KIF11: variants seen among roughly 807,000 people sequenced by gnomAD.
KIF11 encodes kinesin-like protein KIF11.
In KIF11, 9 loss-of-function variants were observed where a neutral mutation model predicts 121.0. The observed-to-expected ratio is 0.07, with a 90% confidence interval of 0.04 to 0.13. The LOEUF is 0.13. Among genes scored for constraint, KIF11 ranks in the 10% least tolerant of loss-of-function variants. KIF11 has a pLI of 1.00. For synonymous variants in KIF11, 408 were observed against 421.0 expected (o/e 0.97, Z 0.38); for missense variants, 846 against 1,217.5 (o/e 0.69, Z 4.54).
chr10:92,640,356 A>G (rs1844851550), intron 17 of KIF11, among the ~76,000 whole-genome samples: 1 of 152,242 alleles, frequency 6.6e-6, no homozygotes, highest in South Asian at 2.1e-4. Context: ...AGGTCATTGA[A>G]CAATAGCCTA....
intron 9 of KIF11, among the ~76,000 whole-genome samples, chr10:92,619,977 T>C (rs756392620): frequency 5.9e-5 from 9 of 151,872 alleles, no homozygotes; most frequent in Non-Finnish European, 1.2e-4. Flanking sequence ...ATCTTGAGGC[T>C]TGATTAAATT....
At chr10:92,614,281 G>A (rs1844530204) in intron 8 of KIF11, among the ~76,000 whole-genome samples, 1 of 152,068 alleles carries the variant, frequency 6.6e-6, no homozygotes, top group South Asian at 2.1e-4. Context: ...ATTTTTAGTA[G>A]AGACGTGGTT....
chr10:92,642,887 T>C (rs565258126), intron 17 of KIF11, among the ~76,000 whole-genome samples: 9 of 152,340 alleles, frequency 5.9e-5, no homozygotes, highest in African/African-American at 1.4e-4. Flanking sequence ...TGCTTTTTCA[T>C]CAAATTTATA....
At chr10:92,627,153 C>G (rs1001335344) in intron 10 of KIF11, among the ~76,000 whole-genome samples, 4 of 152,134 alleles carry the variant, frequency 2.6e-5, no homozygotes, top group African/African-American at 4.8e-5. Flanking sequence ...CTAGCTTTTC[C>G]TTTAGTCAAC....
Position 92,624,660 on chromosome 10 carries a change from C to T in KIF11, c.1217+3187C>T, listed in dbSNP as rs1282556670. ...CACGTCTTTGCTGCTGTGAATAGTG[C>T]TATGATGAACATATGTGTGCATGTG... On this transcript the variant is annotated intron_variant, in intron 10 of 21. Transcript: ENST00000260731. Among the ~76,000 whole-genome samples the T allele has an allele frequency of 2.0e-5, 3 of 151,982 alleles. No homozygotes were observed. The East Asian group carries it at 5.8e-4, about 29-fold the overall frequency.
intron 9 of KIF11, among the ~76,000 whole-genome samples, chr10:92,619,889 T>C (rs1362512662): frequency 6.6e-6 from 1 of 151,534 alleles, no homozygotes; most frequent in Non-Finnish European, 1.5e-5. Context: ...TCTGTATATT[T>C]GTCCTGTAGA....
At position 92,648,343 on chromosome 10, in the gene KIF11, A is replaced by G; in HGVS notation, c.2679A>G (p.Ala893=). The change falls in exon 19 of 22, where the codon GCA becomes GCG. Residue 893 remains alanine, a synonymous_variant. Transcript: ENST00000260731. The part of the protein sequence containing the change: ...QMTIDEDKLI[A]QNLELNETIK... ...CTATTGATGAAGATAAATTGATAGC[A>G]CAAAATCTAGAACTTAATGAAACCA... The G allele has an allele frequency of 1.2e-6, 2 of 1,613,016 alleles. No individual in the cohort carries two copies. Among genetic ancestry groups the G allele is most frequent in the Non-Finnish European group, 1.7e-6 (2 of 1,179,154 alleles).
intron 1 of KIF11, among the ~76,000 whole-genome samples, chr10:92,603,252 T>G (rs1564703186): frequency 8.7e-6 from 1 of 115,024 alleles, no homozygotes. Flanking sequence ...TAAACTGCTT[T>G]CTTTTCTTTT....
rs539942869 is a variant in KIF11, at chr10:92,616,718, C to A, written c.1033-19C>A. 8 of 1,322,184 alleles carry A rather than the reference C, an allele frequency of 6.1e-6. No individual in the cohort carries two copies. The South Asian group carries it at 8.5e-5, about 14-fold the overall frequency. 81.9% of individuals were successfully genotyped at this position (1,322,184 alleles called of 1,614,324 possible). On this transcript the variant is annotated intron_variant, in intron 8 of 21. Transcript: ENST00000260731. Reference sequence around the variant, plus strand: ...TTCTCACAATATCTTCAGTAATTGACCTTTCCTTTCCATGACAGGAAACTC... The same window carrying A: ...TTCTCACAATATCTTCAGTAATTGAACTTTCCTTTCCATGACAGGAAACTC...
chr10:92,638,426 C>T (rs965083290), intron 16 of KIF11, among the ~76,000 whole-genome samples: 1 of 152,110 alleles, frequency 6.6e-6, no homozygotes, highest in Non-Finnish European at 1.5e-5. Context: ...CTTAAAACTG[C>T]AGCATTTTCT....
At chr10:92,597,714 C>T (rs1357064723) in intron 1 of KIF11, among the ~76,000 whole-genome samples, 4 of 151,986 alleles carry the variant, frequency 2.6e-5, no homozygotes, top group East Asian at 1.9e-4. Flanking sequence ...TGCATTGGTA[C>T]GATCTTGGCT....
chr10:92,632,734 T>C (rs749103820), intron 13 of KIF11, 41 bp downstream of exon 13: 74 of 1,266,522 alleles, frequency 5.8e-5, no homozygotes, highest in African/African-American at 1.2e-4. Flanking sequence ...ATGTGTTAAG[T>C]GTAATGTTGA....
intron 4 of KIF11, among the ~76,000 whole-genome samples, chr10:92,608,653 G>A (rs1040729683): frequency 6.6e-6 from 1 of 152,112 alleles, no homozygotes; most frequent in Non-Finnish European, 1.5e-5. Context: ...TGGCCGGGAT[G>A]GTCTTGATCT....
intron 16 of KIF11, 133 bp downstream of exon 16, chr10:92,637,678 T>TG: frequency 1.2e-6 from 1 of 808,866 alleles, no homozygotes. Flanking sequence ...TAGCCACTGT[T>TG]GCTTATAACA....
chr10:92,593,275 A>G lies in KIF11; in HGVS notation c.-101A>G, dbSNP rs1844251402. The G allele has an allele frequency of 1.6e-6, 2 of 1,232,484 alleles. No homozygotes were observed. The highest frequency in any genetic ancestry group is 1.5e-5 in the African/African-American group (1 of 65,692). The allele number at this position is 1,232,484 out of a possible 1,614,324, so 76.3% of individuals were successfully genotyped here. A position where few individuals can be genotyped will look rare whatever the true frequency, so the allele number is the denominator to read the frequency against. On this transcript the variant is annotated 5_prime_UTR_variant, in exon 1 of 22. Transcript: ENST00000260731. The stretch of plus-strand genomic sequence containing the variant: ...CCTCCAGGCCACGCCAGCGCCCGAG[A>G]GGGACCAGGGAGACTCCGGCCCCTG...
intron 10 of KIF11, among the ~76,000 whole-genome samples, chr10:92,627,540 A>T (rs1844693463): frequency 6.6e-6 from 1 of 152,164 alleles, no homozygotes; most frequent in South Asian, 2.1e-4. Flanking sequence ...TCCTTATCTC[A>T]GAAACATTAT....
intron 17 of KIF11, among the ~76,000 whole-genome samples, chr10:92,643,687 G>A (rs1052739985): frequency 4.0e-5 from 6 of 151,370 alleles, no homozygotes; most frequent in African/African-American, 1.5e-4. Flanking sequence ...CTCCCAAGTA[G>A]CTGGGATTAC....
Position 92,632,690 on chromosome 10 carries a change from T to C in KIF11, c.1699T>C (p.Phe567Leu). Residue 567 changes from phenylalanine to leucine, a missense_variant, in exon 13 of 22, where the codon TTT becomes CTT. Physicochemically the swap from Phe to Leu is conservative, Grantham distance 22. Around this residue, in one of 5 missense-constraint regions of KIF11, gnomAD observed 492 missense variants for 603.4 expected, o/e 0.82. Coordinates refer to ENST00000260731, the MANE Select transcript of KIF11 (RefSeq NM_004523.4). ...CATGCTAGAAGTACATAAGACCTTA[T>C]TTGGTAAGTTCAGGCTGTTCTGTTC... Reference protein sequence around the residue: ...KAMLEVHKTLFGNLLSSSVSA... With the variant: ...KAMLEVHKTLLGNLLSSSVSA... 1.9e-6 allele frequency: 3 copies of C among 1,593,330 alleles called. No individual in the cohort carries two copies. The highest frequency in any genetic ancestry group is 1.1e-5 in the South Asian group (1 of 88,652).
At chr10:92,627,030 A>G (rs545087054) in intron 10 of KIF11, among the ~76,000 whole-genome samples, 55 of 152,268 alleles carry the variant, frequency 3.6e-4, no homozygotes, top group Non-Finnish European at 5.9e-4. Flanking sequence ...CCAAAGTGCT[A>G]GGATTACAGG....
Sources: gnomAD v4.1 joint callset for allele counts (sites outside exome capture counted in the v4.1 genomes callset) on GRCh38, gnomAD v4.1.1 for gene constraint, gnomAD v4.1.1 regional missense constraint, MANE v1.5 for transcripts, NCBI Gene and HGNC (gene_info 2026-07-23, HGNC 2026-07-21) for gene names.